Variants in SLC24A2 observed in about 807,000 individuals in gnomAD.
The protein encoded by SLC24A2 is sodium/potassium/calcium exchanger 2.
SLC24A2 carries 36 observed loss-of-function variants against 62.0 expected under a neutral mutation model. The observed-to-expected ratio is 0.58, with a 90% CI of 0.44 to 0.77. SLC24A2 has a LOEUF of 0.77. Ranked by LOEUF, SLC24A2 falls within the 30% of genes least tolerant of loss-of-function variation. The pLI is 0.00. For missense variants in SLC24A2, 846 were observed against 817.9 expected, an observed-to-expected ratio of 1.03 and a Z score of -0.42; for synonymous variants, 358 against 294.0, an observed-to-expected ratio of 1.22 and a Z score of -2.23.
the SLC24A2 span, among the ~76,000 whole-genome samples, chr9:20,169,394 G>T: frequency 6.6e-6 from 1 of 151,974 alleles, no homozygotes; most frequent in Non-Finnish European, 1.5e-5. Flanking sequence ...GGAAAGTGAA[G>T]AGAACTCACA....
At chr9:19,797,859 GT>G in the SLC24A2 span, among the ~76,000 whole-genome samples, 1 of 152,198 alleles carries the variant, frequency 6.6e-6, no homozygotes, top group Middle Eastern at 3.2e-3. Flanking sequence ...GGGGAACGGT[GT>G]TTGCAGATAT....
the SLC24A2 span, among the ~76,000 whole-genome samples, chr9:19,873,416 CTT>C: frequency 8.2e-5 from 11 of 133,854 alleles, no homozygotes; most frequent in African/African-American, 2.5e-4. Context: ...CTCTTTCTTT[CTT>C]TCTCTTTCTC....
chr9:19,722,937 C>G (rs1464588394), intron 2 of SLC24A2, among the ~76,000 whole-genome samples: 1 of 152,080 alleles, frequency 6.6e-6, no homozygotes, highest in African/African-American at 2.4e-5. Flanking sequence ...AGGCTATTTT[C>G]TTGTCCTAAT....
At chr9:19,873,523 C>A in the SLC24A2 span, among the ~76,000 whole-genome samples, 1 of 115,916 alleles carries the variant, frequency 8.6e-6, no homozygotes, top group African/African-American at 2.9e-5. Flanking sequence ...TTCTCTCTCT[C>A]CTTCCTTTCT....
the SLC24A2 span, among the ~76,000 whole-genome samples, chr9:20,223,442 C>T: frequency 2.6e-5 from 4 of 152,102 alleles, no homozygotes; most frequent in African/African-American, 7.2e-5. Flanking sequence ...CTGGTCAACA[C>T]AGCAACAACA....
the SLC24A2 span, among the ~76,000 whole-genome samples, chr9:19,895,155 A>C: frequency 6.6e-6 from 1 of 152,210 alleles, no homozygotes; most frequent in Non-Finnish European, 1.5e-5. Flanking sequence ...ACCAGCACTA[A>C]ATGACTTCAT....
At chr9:20,158,549 G>C in the SLC24A2 span, among the ~76,000 whole-genome samples, 5 of 151,674 alleles carry the variant, frequency 3.3e-5, no homozygotes, top group Admixed American at 1.3e-4. Flanking sequence ...CTTGATCCTA[G>C]ACTTCCCATC....
At chr9:19,825,008 C>T in the SLC24A2 span, among the ~76,000 whole-genome samples, 9 of 152,056 alleles carry the variant, frequency 5.9e-5, no homozygotes, top group South Asian at 4.2e-4. Flanking sequence ...CATCACACAC[C>T]GGGCCTATCA....
intron 2 of SLC24A2, among the ~76,000 whole-genome samples, chr9:19,702,784 T>C (rs1820393793): frequency 6.6e-6 from 1 of 152,170 alleles, no homozygotes; most frequent in Admixed American, 6.6e-5. Flanking sequence ...TAAATGTTTA[T>C]TTAAAAAGTG....
At chr9:20,067,320 A>C in the SLC24A2 span, among the ~76,000 whole-genome samples, 2 of 152,202 alleles carry the variant, frequency 1.3e-5, no homozygotes, top group Admixed American at 1.3e-4. Context: ...GATGGGGCTA[A>C]AATAAAGTAA....
intron 2 of SLC24A2, among the ~76,000 whole-genome samples, chr9:19,744,684 A>G (rs1314122898): frequency 1.3e-5 from 2 of 152,222 alleles, no homozygotes; most frequent in Non-Finnish European, 1.5e-5. Flanking sequence ...GTTGACTACA[A>G]TTTAAAAAAT....
chr9:20,172,697 A>C, the SLC24A2 span, among the ~76,000 whole-genome samples: 1 of 152,014 alleles, frequency 6.6e-6, no homozygotes, highest in South Asian at 2.1e-4. Context: ...TGAATTTAAC[A>C]TGAAATAAAA....
chr9:20,259,787 A>T, the SLC24A2 span, among the ~76,000 whole-genome samples: 1 of 152,186 alleles, frequency 6.6e-6, no homozygotes, highest in Non-Finnish European at 1.5e-5. Context: ...CCATTGTAAC[A>T]GTATTAAGAG....
chr9:20,106,477 G>C, the SLC24A2 span, among the ~76,000 whole-genome samples: 1 of 152,176 alleles, frequency 6.6e-6, no homozygotes, highest in Non-Finnish European at 1.5e-5. Context: ...GAATCCAGCA[G>C]CACATCAAAA....
intron 2 of SLC24A2, among the ~76,000 whole-genome samples, chr9:19,672,692 G>T (rs1282031678): frequency 1.4e-5 from 2 of 146,024 alleles, no homozygotes; most frequent in African/African-American, 5.4e-5. Flanking sequence ...TTTCCTTTTA[G>T]CACTGTCTTT....
intron 2 of SLC24A2, among the ~76,000 whole-genome samples, chr9:19,775,245 C>T (rs1822811606): frequency 1.3e-5 from 2 of 152,198 alleles, no homozygotes; most frequent in Non-Finnish European, 2.9e-5. Context: ...GGAAACCCAC[C>T]TAATCTAAAT....
chr9:19,776,614 T>C (rs1822854642), intron 2 of SLC24A2, among the ~76,000 whole-genome samples: 1 of 152,220 alleles, frequency 6.6e-6, no homozygotes, highest in Admixed American at 6.5e-5. Context: ...TGCACGTTGT[T>C]CTTCCATCTG....
At chr9:20,234,904 G>T in the SLC24A2 span, among the ~76,000 whole-genome samples, 18 of 152,212 alleles carry the variant, frequency 1.2e-4, no homozygotes, top group South Asian at 3.5e-3. Flanking sequence ...ATGGGTTTTT[G>T]GTGTGGATGT....
the SLC24A2 span, among the ~76,000 whole-genome samples, chr9:19,949,811 A>G: frequency 6.6e-6 from 1 of 152,240 alleles, no homozygotes; most frequent in Non-Finnish European, 1.5e-5. Flanking sequence ...GAAAGAAGAC[A>G]CTTGGATCAT....
Sources: allele counts gnomAD v4.1 joint callset (sites outside exome capture counted in the v4.1 genomes callset), GRCh38; gene constraint gnomAD v4.1.1; transcripts MANE v1.5; gene names NCBI Gene and HGNC (gene_info 2026-07-23, HGNC 2026-07-21).